Variants in KMT2C observed in about 807,000 individuals in gnomAD.
The protein encoded by KMT2C is lysine methyltransferase 2C, also known as histone-lysine N-methyltransferase 2C.
A neutral mutation model predicts 507.9 loss-of-function variants in KMT2C; 88 were observed. That is an observed-to-expected ratio of 0.17 (90% CI 0.15 to 0.21). The LOEUF (loss-of-function observed/expected upper bound fraction) is 0.21, where lower values mean the gene tolerates loss of function less well. Ranked by LOEUF, KMT2C falls within the 10% of genes least tolerant of loss-of-function variation. The pLI, the probability that KMT2C is intolerant of heterozygous loss-of-function variation, is 1.00. For synonymous variants in KMT2C, 2,049 were observed against 2,080.8 expected (o/e 0.98, Z 0.42); for missense variants, 4,954 against 5,957.8 (o/e 0.83, Z 5.55).
chr7:152,363,028 T>C (rs758419018), intron 1 of KMT2C, among the ~76,000 whole-genome samples: 1 of 152,212 alleles, frequency 6.6e-6, no homozygotes, highest in Non-Finnish European at 1.5e-5. Flanking sequence ...GCCATGTGAC[T>C]TTTCTGACTA....
chr7:152,150,867 C>T (rs1164793085), intron 51 of KMT2C, 33 bp downstream of exon 51: 1 of 1,389,184 alleles, frequency 7.2e-7, no homozygotes, highest in South Asian at 1.2e-5. Context: ...ACTCGTTACA[C>T]ATTGTTATCA....
At chr7:152,251,052 A>C in intron 11 of KMT2C, 86 bp from the exon 12 acceptor site, 1 of 716,180 alleles carries the variant, frequency 1.4e-6, no homozygotes, top group Non-Finnish European at 2.4e-6. Flanking sequence ...TGTATGAGTA[A>C]GGGCAAATCA....
intron 1 of KMT2C, among the ~76,000 whole-genome samples, chr7:152,379,428 C>T (rs1381970581): frequency 2.0e-5 from 3 of 152,096 alleles, no homozygotes; most frequent in Admixed American, 1.3e-4. Context: ...ATCCCAGCTA[C>T]TCAGGAGGCT....
At chr7:152,140,170 G>C (rs2090375755) in intron 55 of KMT2C, among the ~76,000 whole-genome samples, 1 of 152,208 alleles carries the variant, frequency 6.6e-6, no homozygotes, top group Admixed American at 6.5e-5. Flanking sequence ...TTTCAAAAAA[G>C]ACATAATAAA....
Position 152,135,827 on chromosome 7 carries a change from C to T in KMT2C, c.*1005G>A. On this transcript the variant is annotated 3_prime_UTR_variant, in exon 59 of 59. Transcript: ENST00000262189. ...AGTTGTAGTCGTAGCATACGCCCCG[C>T]TCTGTCAGAAGTAAGGTGTATAAAA... 4.3e-6 allele frequency: 1 copy of T among 231,092 alleles called. No individual in the cohort carries two copies. Among genetic ancestry groups the T allele is most frequent in the Non-Finnish European group, 8.6e-6 (1 of 116,500 alleles). The allele number at this position is 231,092 out of a possible 1,614,324, so 14.3% of individuals were successfully genotyped here.
chr7:152,280,825 G>A (rs1475990849), intron 6 of KMT2C, among the ~76,000 whole-genome samples: 1 of 152,126 alleles, frequency 6.6e-6, no homozygotes, highest in Non-Finnish European at 1.5e-5. Flanking sequence ...TTTGGTCTCT[G>A]CCAAATCACT....
At chr7:152,180,390 T>C (rs1188501558) in intron 36 of KMT2C, among the ~76,000 whole-genome samples, 1 of 152,162 alleles carries the variant, frequency 6.6e-6, no homozygotes. Context: ...TTTGATGAAA[T>C]ACCAGTTACA....
At chr7:152,417,813 T>A (rs932998977) in intron 1 of KMT2C, among the ~76,000 whole-genome samples, 1 of 151,850 alleles carries the variant, frequency 6.6e-6, no homozygotes, top group Non-Finnish European at 1.5e-5. Context: ...AGCTAATTTT[T>A]TGTATCTTTT....
chr7:152,159,252 T>C (rs2092299113), intron 43 of KMT2C, among the ~76,000 whole-genome samples, 180 bp from the exon 44 acceptor site: 1 of 152,218 alleles, frequency 6.6e-6, no homozygotes, highest in Non-Finnish European at 1.5e-5. Context: ...TCTTCAAACG[T>C]TATTCTCGAG....
rs2129115036 is a variant in KMT2C at position 152,177,579 on chromosome 7, A to C, written c.7874T>G (p.Leu2625Trp). 6.2e-7 allele frequency: 1 copy of C among 1,614,206 alleles called. No homozygotes were observed. Among genetic ancestry groups the C allele is most frequent in the Non-Finnish European group, 8.5e-7 (1 of 1,180,026 alleles). Reference sequence around the variant, plus strand: ...TTGTTGAGATGGTGGCACTTGTTCCAAATCTGGGTGCACAGGTAGCTGATT... The same window carrying C: ...TTGTTGAGATGGTGGCACTTGTTCCCAATCTGGGTGCACAGGTAGCTGATT... ...LPNQLPVHPD[L>W]EQVPPSQQEQ... Residue 2625 changes from leucine to tryptophan, a missense_variant, in exon 38 of 59, where the codon TTG becomes TGG. Physicochemically the swap from Leu to Trp is moderately conservative, Grantham distance 61. Coordinates refer to ENST00000262189, the MANE Select transcript of KMT2C (RefSeq NM_170606.3).
intron 9 of KMT2C, among the ~76,000 whole-genome samples, chr7:152,257,874 C>A (rs1354766557): frequency 2.0e-5 from 3 of 151,818 alleles, no homozygotes; most frequent in Non-Finnish European, 2.9e-5. Flanking sequence ...CGCACACACA[C>A]ACACACACAC....
rs1588921142 is a variant in KMT2C, at chr7:152,287,530, G to T, written c.850-13663C>A. On this transcript the variant is annotated intron_variant, in intron 6 of 58. Coordinates refer to ENST00000262189, the MANE Select transcript of KMT2C (RefSeq NM_170606.3). Reference sequence around the variant, plus strand: ...TTCAGATAAATCCTACTAAAAGGGGGTATTTAAATAAAATGCAGAGCTTCA... The same window carrying T: ...TTCAGATAAATCCTACTAAAAGGGGTTATTTAAATAAAATGCAGAGCTTCA... Among the ~76,000 whole-genome samples the T allele has an allele frequency of 2.0e-5, 3 of 152,190 alleles. No homozygotes were observed. The East Asian group carries it at 5.8e-4, about 29-fold the overall frequency.
At chr7:152,298,795 A>C (rs2096538505) in intron 6 of KMT2C, among the ~76,000 whole-genome samples, 1 of 152,210 alleles carries the variant, frequency 6.6e-6, no homozygotes, top group African/African-American at 2.4e-5. Context: ...AAAGACAGCA[A>C]AATATTACAG....
In KMT2C at chr7:152,215,296, G is replaced by C. The variant is rs554542944; in HGVS notation, c.3712+5227C>G. Among the ~76,000 whole-genome samples, 8 of 151,818 alleles carry C rather than the reference G, an allele frequency of 5.3e-5. No individual in the cohort carries two copies. In the South Asian group the frequency reaches 1.7e-3, roughly 32 times the overall value. ...TGGGAGGCCGAGGCAGGCAGATCAC[G>C]AGTTCAGGAGATTGAGACCAACCTG... On this transcript the variant is annotated intron_variant, in intron 23 of 58. Coordinates refer to ENST00000262189, the MANE Select transcript of KMT2C (RefSeq NM_170606.3).
intron 9 of KMT2C, among the ~76,000 whole-genome samples, chr7:152,256,238 A>G (rs1261656960): frequency 2.0e-5 from 3 of 152,170 alleles, no homozygotes; most frequent in Non-Finnish European, 4.4e-5. Context: ...CCCTCAGTGT[A>G]GGGAAAGGCT....
intron 23 of KMT2C, among the ~76,000 whole-genome samples, chr7:152,219,561 C>T (rs542109299): frequency 1.1e-3 from 164 of 149,714 alleles, no homozygotes; most frequent in Admixed American, 2.4e-3. Context: ...GCCTGGGCAA[C>T]GTAACAAGAC....
chr7:152,394,730 T>C (rs1243076026), intron 1 of KMT2C, among the ~76,000 whole-genome samples: 2 of 152,228 alleles, frequency 1.3e-5, no homozygotes, highest in Non-Finnish European at 2.9e-5. Context: ...GCAATGAACT[T>C]TGTTTTGCTC....
intron 2 of KMT2C, among the ~76,000 whole-genome samples, chr7:152,346,419 G>A (rs751109909): frequency 4.6e-5 from 7 of 152,132 alleles, no homozygotes; most frequent in Non-Finnish European, 1.0e-4. Flanking sequence ...CTAGAATTCG[G>A]TAACAGAAAG....
chr7:152,340,424 C>G (rs1284713012), intron 2 of KMT2C, among the ~76,000 whole-genome samples: 1 of 152,156 alleles, frequency 6.6e-6, no homozygotes. Context: ...TCCCTCCCTT[C>G]TTTTGAAAGA....
Sources: gnomAD v4.1 joint callset for allele counts (sites outside exome capture counted in the v4.1 genomes callset) on GRCh38, gnomAD v4.1.1 for gene constraint, MANE v1.5 for transcripts, NCBI Gene and HGNC (gene_info 2026-07-23, HGNC 2026-07-21) for gene names.